WDFY2: variants seen among roughly 807,000 people sequenced by gnomAD.
WDFY2 encodes WD repeat and FYVE domain containing 2.
WDFY2 carries 36 observed loss-of-function variants against 56.4 expected under a neutral mutation model. The observed-to-expected ratio is 0.64, with a 90% confidence interval of 0.49 to 0.84. The LOEUF (loss-of-function observed/expected upper bound fraction) is 0.84. Ranked by LOEUF, WDFY2 falls within the 40% of genes least tolerant of loss-of-function variation. The pLI, the probability that WDFY2 is intolerant of heterozygous loss-of-function variation, is 0.00. For missense variants in WDFY2, 444 were observed against 512.2 expected (o/e 0.87, Z 1.29); for synonymous variants, 176 against 183.7 (o/e 0.96, Z 0.34).
intron 3 of WDFY2, among the ~76,000 whole-genome samples, chr13:51,701,702 T>C (rs1040038203): frequency 1.3e-5 from 2 of 152,168 alleles, no homozygotes; most frequent in African/African-American, 4.8e-5. Context: ...TCTATTACGT[T>C]GTGTTATTTT....
chr13:51,648,815 A>T (rs913993236), intron 1 of WDFY2, among the ~76,000 whole-genome samples: 5 of 152,204 alleles, frequency 3.3e-5, no homozygotes, highest in African/African-American at 4.8e-5. Context: ...TTGAAATGTG[A>T]TCAGCTGTAT....
intron 1 of WDFY2, chr13:51,587,026 T>C (rs1025878481): frequency 3.3e-5 from 5 of 152,210 alleles, no homozygotes; most frequent in African/African-American, 9.6e-5. Context: ...AAATGTAATA[T>C]TGATTTTCAT....
chr13:51,629,879 T>G (rs1324290260), intron 1 of WDFY2, among the ~76,000 whole-genome samples: 1 of 146,590 alleles, frequency 6.8e-6, no homozygotes, highest in Non-Finnish European at 1.5e-5. Flanking sequence ...ATATTGAAAG[T>G]ACAAAAACAG....
chr13:51,758,226 C>T lies in WDFY2; in HGVS notation c.1099C>T (p.His367Tyr). ...APTATFHDSK[H>Y]NIVHVHFDAT... is the part of the protein sequence containing the mutation. ...CACAGCCACCTTCCATGACAGTAAA[C>T]ATAACATTGTGCATGTGCATTTCGA... The change falls in exon 11 of 12, where the codon CAT (histidine) becomes TAT (tyrosine). Residue 367 changes from histidine to tyrosine, a missense_variant. Physicochemically the swap from His to Tyr is moderately conservative, Grantham distance 83. Coordinates refer to ENST00000298125, the MANE Select transcript of WDFY2 (RefSeq NM_052950.4). 2 of 1,595,996 alleles carry T rather than the reference C, an allele frequency of 1.3e-6. No homozygotes were observed. The highest frequency in any genetic ancestry group is 1.7e-6 in the Non-Finnish European group (2 of 1,166,448).
intron 7 of WDFY2, among the ~76,000 whole-genome samples, chr13:51,748,229 C>T (rs76250030): frequency 0.051 from 7,730 of 152,280 alleles, 242 homozygotes; most frequent in Middle Eastern, 0.082. Flanking sequence ...GTTAGCCAAC[C>T]GTGTTCGGCT....
chr13:51,657,643 T>C (rs566655430), intron 1 of WDFY2, among the ~76,000 whole-genome samples: 1 of 152,308 alleles, frequency 6.6e-6, no homozygotes, highest in South Asian at 2.1e-4. Context: ...TGTTATTCTT[T>C]ATTCTTTTTT....
chr13:51,665,333 C>G (rs983775737), intron 2 of WDFY2, among the ~76,000 whole-genome samples: 1 of 152,154 alleles, frequency 6.6e-6, no homozygotes, highest in Admixed American at 6.5e-5. Flanking sequence ...CTATCTGGGA[C>G]CTTGCATGAG....
intron 11 of WDFY2, 98 bp downstream of exon 11, chr13:51,758,398 T>C (rs1593485785): frequency 1.2e-6 from 1 of 849,448 alleles, no homozygotes. Flanking sequence ...AAGGTTATCC[T>C]TGGGTAGCCG....
At chr13:51,692,947 A>G (rs980981927) in intron 3 of WDFY2, among the ~76,000 whole-genome samples, 1 of 152,140 alleles carries the variant, frequency 6.6e-6, no homozygotes. Context: ...TGAGGAATTT[A>G]TCCATTTCTT....
chr13:51,653,582 T>C (rs1486092602), intron 1 of WDFY2, among the ~76,000 whole-genome samples: 1 of 152,200 alleles, frequency 6.6e-6, no homozygotes, highest in Non-Finnish European at 1.5e-5. Context: ...GGGGTTTTGG[T>C]GTGCATGTCC....
chr13:51,586,171 A>G, intron 1 of WDFY2: 1 of 397,966 alleles, frequency 2.5e-6, no homozygotes, highest in African/African-American at 2.1e-5. Flanking sequence ...TTTTTTCCAT[A>G]AAGGCAAAAT....
At chr13:51,676,609 A>G (rs1344159488) in intron 3 of WDFY2, among the ~76,000 whole-genome samples, 2 of 152,198 alleles carry the variant, frequency 1.3e-5, no homozygotes, top group Admixed American at 1.3e-4. Flanking sequence ...TAGTCAAAAC[A>G]TTTGCTTGGT....
At chr13:51,619,744 T>C (rs1050836643) in intron 1 of WDFY2, among the ~76,000 whole-genome samples, 4 of 152,238 alleles carry the variant, frequency 2.6e-5, no homozygotes, top group Non-Finnish European at 5.9e-5. Flanking sequence ...AGAATGACTC[T>C]AGAGCTGCCA....
At chr13:51,732,347 T>C (rs1952742741) in intron 6 of WDFY2, among the ~76,000 whole-genome samples, 1 of 152,286 alleles carries the variant, frequency 6.6e-6, no homozygotes, top group East Asian at 1.9e-4. Context: ...GCCAGGCTCC[T>C]GACCTCAAAT....
intron 9 of WDFY2, 55 bp from the exon 10 acceptor site, chr13:51,756,277 G>T: frequency 5.7e-6 from 9 of 1,566,728 alleles, no homozygotes; most frequent in Non-Finnish European, 7.8e-6. Context: ...GAGATGCGGG[G>T]GCCTCAGGAG....
chr13:51,630,111 G>A (rs1221915800), intron 1 of WDFY2, among the ~76,000 whole-genome samples: 1 of 152,046 alleles, frequency 6.6e-6, no homozygotes, highest in East Asian at 1.9e-4. Flanking sequence ...AGCCATTAAA[G>A]ACATTGAGTT....
At chr13:51,597,717 A>C (rs1219011425) in intron 1 of WDFY2, among the ~76,000 whole-genome samples, 1 of 152,240 alleles carries the variant, frequency 6.6e-6, no homozygotes, top group Non-Finnish European at 1.5e-5. Flanking sequence ...CAACAATTTG[A>C]AATAAAATAA....
In WDFY2 at chr13:51,761,654, T is replaced by C. The variant is rs550421728; in HGVS notation, c.*1885T>C. ...CGTTTTTTGCCCTCACAATCATTCATTACTTCTCTAACTAGGGGGAAGTAC... is the reference window on the plus strand; with the variant it reads ...CGTTTTTTGCCCTCACAATCATTCACTACTTCTCTAACTAGGGGGAAGTAC... On this transcript the variant is annotated 3_prime_UTR_variant, in exon 12 of 12. Transcript: ENST00000298125. The C allele has an allele frequency of 6.6e-6, 1 of 152,244 alleles. No individual in the cohort carries two copies. The highest frequency in any genetic ancestry group is 2.1e-4 in the South Asian group (1 of 4,830). 9.4% of individuals were successfully genotyped at this position (152,244 alleles called of 1,614,324 possible).
chr13:51,655,517 C>T (rs974093315), intron 1 of WDFY2, among the ~76,000 whole-genome samples: 2 of 151,818 alleles, frequency 1.3e-5, no homozygotes, highest in Non-Finnish European at 2.9e-5. Context: ...TTGAACTACC[C>T]TTGCATTCCT....
Sources: allele counts gnomAD v4.1 joint callset (sites outside exome capture counted in the v4.1 genomes callset), GRCh38; gene constraint gnomAD v4.1.1; transcripts MANE v1.5; gene names NCBI Gene and HGNC (gene_info 2026-07-23, HGNC 2026-07-21).